QRICH2: variants seen among roughly 807,000 people sequenced by gnomAD.
QRICH2 encodes glutamine rich 2, also known as glutamine-rich protein 2.
QRICH2 carries 119 observed loss-of-function variants against 168.3 expected under a neutral mutation model. The ratio of observed to expected loss-of-function variants is 0.71; its 90% CI spans 0.61 to 0.82. QRICH2 has a LOEUF of 0.82. Ranked by LOEUF, QRICH2 falls within the 40% of genes least tolerant of loss-of-function variation. QRICH2 has a pLI of 0.00. For synonymous variants in QRICH2, 894 were observed against 951.2 expected (o/e 0.94, Z 1.11); for missense variants, 2,241 against 2,491.6 (o/e 0.90, Z 2.14).
chr17:76,277,919 C>T (rs1486404090), intron 15 of QRICH2, 70 bp downstream of exon 15: 8 of 1,527,886 alleles, frequency 5.2e-6, no homozygotes, highest in Non-Finnish European at 7.2e-6. Context: ...TTTGCACAGC[C>T]GTGCACGAGC....
chr17:76,305,061 A>G (rs1337516253), intron 1 of QRICH2, 120 bp from the exon 2 acceptor site: 2 of 750,086 alleles, frequency 2.7e-6, no homozygotes, highest in Non-Finnish European at 4.9e-6. Flanking sequence ...GCATACACGC[A>G]CATTCACACA....
At chr17:76,288,940 T>A (rs995811271) in intron 5 of QRICH2, among the ~76,000 whole-genome samples, 2 of 149,996 alleles carry the variant, frequency 1.3e-5, no homozygotes, top group African/African-American at 4.9e-5. Flanking sequence ...CCATCTCTAC[T>A]AAAAATACAA....
At position 76,304,788 on chromosome 17, in the gene QRICH2, C is replaced by T. The variant is rs556862142; in HGVS notation, c.594+94G>A. The T allele has an allele frequency of 2.2e-5, 21 of 938,616 alleles. No individual in the cohort carries two copies. The Admixed American group carries it at 3.4e-4, about 15-fold the overall frequency. The allele number at this position is 938,616 out of a possible 1,614,324, so 58.1% of individuals were successfully genotyped here. A position where few individuals can be genotyped will look rare whatever the true frequency, so the allele number is the denominator to read the frequency against. ...CTTGAGAGGCAGAGGGCACACACTG[C>T]CTGCCCTGGATGGACAAGCCCTGGA... On this transcript the variant is annotated intron_variant, in intron 2 of 18. Coordinates refer to ENST00000680821, the MANE Select transcript of QRICH2 (RefSeq NM_001388453.1).
intron 18 of QRICH2, among the ~76,000 whole-genome samples, chr17:76,275,169 G>A (rs1051397872): frequency 6.6e-6 from 1 of 152,118 alleles, no homozygotes; most frequent in Non-Finnish European, 1.5e-5. Flanking sequence ...ACAGGAGGAA[G>A]GTCGGCAGCT....
chr17:76,291,316 C>G lies in QRICH2; in HGVS notation c.3411G>C (p.Ser1137=). The G allele has an allele frequency of 6.2e-7, 1 of 1,614,134 alleles. No homozygotes were observed. Among genetic ancestry groups the G allele is most frequent in the Middle Eastern group, 1.6e-4 (1 of 6,062 alleles). ...EGLDPNRTRA[S]DRHGIPAQKA... ...TCTGGGCAGGAATTCCATGTCGGTC[C>G]GAGGCTCGTGTTCTATTTGGATCCA... The change falls in exon 4 of 19, where the codon TCG becomes TCC. Residue 1137 remains serine, a synonymous_variant. Transcript: ENST00000680821.
chr17:76,302,882 A>G (rs1327280091), intron 3 of QRICH2, among the ~76,000 whole-genome samples: 1 of 149,148 alleles, frequency 6.7e-6, no homozygotes, highest in African/African-American at 2.5e-5. Flanking sequence ...CAGTTTACCT[A>G]CTTTTGTTTT....
chr17:76,279,093 T>C lies in QRICH2; in HGVS notation c.4864A>G (p.Ile1622Val), dbSNP rs748746501. 5.6e-6 allele frequency: 9 copies of C among 1,613,392 alleles called. No individual in the cohort carries two copies. In the South Asian group the frequency reaches 9.9e-5, roughly 18 times the overall value. ...AGTTCAAACACCGTGTAGGGGCGGA[T>C]GGAATGGTGCCCAGGTAGGCCTGGA... is the stretch of plus-strand genomic sequence containing the variant. ...AGPGLPGHHS[I>V]RPYTVFELEQ... The change falls in exon 14 of 19, where the codon ATC becomes GTC. Residue 1622 changes from isoleucine (I) to valine (V), a missense_variant. Physicochemically the swap from Ile to Val is conservative, Grantham distance 29 (BLOSUM62 3). Coordinates refer to ENST00000680821, the MANE Select transcript of QRICH2 (RefSeq NM_001388453.1).
chr17:76,277,430 G>C, intron 15 of QRICH2, 120 bp from the exon 16 acceptor site: 1 of 1,230,218 alleles, frequency 8.1e-7, no homozygotes, highest in African/African-American at 1.5e-5. Context: ...GGGCTGCCGG[G>C]AGGCTGAGCA....
At chr17:76,287,015 C>T (rs950801688) in intron 7 of QRICH2, among the ~76,000 whole-genome samples, 177 bp downstream of exon 7, 2 of 147,424 alleles carry the variant, frequency 1.4e-5, no homozygotes, top group South Asian at 2.2e-4. Flanking sequence ...TCGCCACCGC[C>T]CCCCCACCCC....
intron 3 of QRICH2, among the ~76,000 whole-genome samples, chr17:76,302,570 A>G (rs1213259922): frequency 1.3e-5 from 2 of 152,130 alleles, no homozygotes; most frequent in African/African-American, 2.4e-5. Context: ...TCTTTACAAG[A>G]AGGAGGCTGA....
intron 7 of QRICH2, among the ~76,000 whole-genome samples, chr17:76,282,324 A>G (rs1052442632): frequency 6.6e-6 from 1 of 152,220 alleles, no homozygotes; most frequent in South Asian, 2.1e-4. Context: ...ACACAGTGTC[A>G]ACACTGAACC....
intron 3 of QRICH2, among the ~76,000 whole-genome samples, chr17:76,303,177 C>G (rs891838474): frequency 2.0e-5 from 3 of 152,128 alleles, no homozygotes; most frequent in African/African-American, 4.8e-5. Flanking sequence ...AGCCACCGCG[C>G]CCGGCCCCTC....
rs753238519 is a variant in QRICH2 at position 76,274,238 on chromosome 17, A to G, written c.5505T>C (p.Asp1835=). ...NTSVSSRQQK[D]RPSSEGRLSQ... is the part of the protein sequence containing the mutation. ...AGAGACGGCCCTCGGAGGAAGGTCT[A>G]TCTTTCTGTTGACGAGAAGAAACTG... The change falls in exon 19 of 19, where the codon GAT becomes GAC. Residue 1835 remains aspartate (D), a synonymous_variant. Coordinates refer to ENST00000680821, the MANE Select transcript of QRICH2 (RefSeq NM_001388453.1). 34 of 1,592,696 alleles carry G rather than the reference A, an allele frequency of 2.1e-5. No homozygotes were observed. Among genetic ancestry groups the G allele is most frequent in the African/African-American group, 2.7e-5 (2 of 73,134 alleles).
At chr17:76,304,817 A>AG in intron 2 of QRICH2, 65 bp downstream of exon 2, 1 of 1,135,502 alleles carries the variant, frequency 8.8e-7, no homozygotes, top group South Asian at 1.2e-5. Context: ...CCCTGGAGAG[A>AG]GGGCCACACT....
At chr17:76,302,301 C>T in intron 3 of QRICH2, among the ~76,000 whole-genome samples, 1 of 149,590 alleles carries the variant, frequency 6.7e-6, no homozygotes, top group South Asian at 2.1e-4. Flanking sequence ...CGTTTCCCCC[C>T]CACCCCACCC....
intron 5 of QRICH2, among the ~76,000 whole-genome samples, chr17:76,289,296 C>T (rs886936608): frequency 5.9e-5 from 9 of 152,024 alleles, no homozygotes; most frequent in African/African-American, 1.2e-4. Context: ...AAGTGATCCT[C>T]CTGCCTCAGC....
chr17:76,294,227 C>G (rs2071067350), intron 3 of QRICH2, among the ~76,000 whole-genome samples: 4 of 151,880 alleles, frequency 2.6e-5, no homozygotes, highest in Admixed American at 2.6e-4. Context: ...GAGTTCGAGA[C>G]CAGCCTGACC....
In QRICH2 at chr17:76,279,046, G is replaced by A. The variant is rs1414522079; in HGVS notation, c.4911C>T (p.Ser1637=). 3.1e-6 allele frequency: 5 copies of A among 1,613,110 alleles called. No individual in the cohort carries two copies. The African/African-American group carries it at 5.3e-5, about 17-fold the overall frequency. ...TATGCTGTCCCATAGCATACTTGCGGCTATGCTGCCGGACCTGCTCCAGTT... is the reference window on the plus strand; with the variant it reads ...TATGCTGTCCCATAGCATACTTGCGACTATGCTGCCGGACCTGCTCCAGTT... The part of the protein sequence containing the change: ...VFELEQVRQH[S]RNLKLGSAFP... The change falls in exon 14 of 19, where the codon AGC becomes AGT. Residue 1637 remains serine (S), a synonymous_variant. Transcript: ENST00000680821.
At chr17:76,304,363 A>T (rs2070954992) in intron 3 of QRICH2, 52 bp downstream of exon 3, 12 of 1,161,358 alleles carry the variant, frequency 1.0e-5, no homozygotes, top group African/African-American at 1.5e-5. Context: ...ACAAAGCGAG[A>T]AGTTCTGGGG....
Sources: allele counts gnomAD v4.1 joint callset (sites outside exome capture counted in the v4.1 genomes callset), GRCh38; gene constraint gnomAD v4.1.1; transcripts MANE v1.5; gene names NCBI Gene and HGNC (gene_info 2026-07-23, HGNC 2026-07-21).